ASXL2: variants seen among roughly 807,000 people sequenced by gnomAD.
The protein encoded by ASXL2 is putative Polycomb group protein ASXL2.
ASXL2 carries 23 observed loss-of-function variants against 122.0 expected under a neutral mutation model. That is an observed-to-expected ratio of 0.19 (90% confidence interval 0.14 to 0.27). The LOEUF (loss-of-function observed/expected upper bound fraction) is 0.27. Among genes scored for constraint, ASXL2 ranks in the 10% least tolerant of loss-of-function variants. The pLI is 1.00. For missense variants in ASXL2, 1,518 were observed against 1,713.8 expected, an observed-to-expected ratio of 0.89 and a Z score of 2.02; for synonymous variants, 650 against 637.0, an observed-to-expected ratio of 1.02 and a Z score of -0.31.
At chr2:25,776,259 T>C (rs34731601) in intron 5 of ASXL2, among the ~76,000 whole-genome samples, 60,209 of 152,034 alleles carry the variant, frequency 0.4, 13,463 homozygotes, top group Non-Finnish European at 0.51. Flanking sequence ...AATGAAATCA[T>C]ACATTAGTGC....
chr2:25,843,814 T>TAAAAAAAAAAAAAAAAAAAAAAAA (rs541446675), intron 2 of ASXL2, among the ~76,000 whole-genome samples: 1 of 86,536 alleles, frequency 1.2e-5, no homozygotes, highest in Non-Finnish European at 2.3e-5. Flanking sequence ...CTCCATCTCT[T>TAAAAAAAAAAAAAAAAAAAAAAAA]AAAAAAAAAA....
At chr2:25,778,547 C>A (rs1439400104) in intron 5 of ASXL2, among the ~76,000 whole-genome samples, 1 of 152,134 alleles carries the variant, frequency 6.6e-6, no homozygotes, top group Non-Finnish European at 1.5e-5. Context: ...TCATACAATA[C>A]CTAAAACCAA....
chr2:25,863,224 G>C (rs529873688), intron 1 of ASXL2, among the ~76,000 whole-genome samples: 2 of 151,706 alleles, frequency 1.3e-5, no homozygotes, highest in South Asian at 4.2e-4. Context: ...CATCTACTCA[G>C]AAGGCTAAGG....
intron 5 of ASXL2, among the ~76,000 whole-genome samples, chr2:25,777,455 C>T (rs2149159570): frequency 6.6e-6 from 1 of 152,008 alleles, no homozygotes; most frequent in African/African-American, 2.4e-5. Flanking sequence ...GCCTAGGCAA[C>T]ATAATGAAAC....
At chr2:25,842,723 G>GATGT (rs2089600211) in intron 2 of ASXL2, among the ~76,000 whole-genome samples, 1 of 150,510 alleles carries the variant, frequency 6.6e-6, no homozygotes, top group African/African-American at 2.4e-5. Flanking sequence ...TAGATAGATA[G>GATGT]ATGTATATAT....
intron 5 of ASXL2, chr2:25,780,119 G>C (rs2088609280): frequency 6.6e-6 from 1 of 152,080 alleles, no homozygotes; most frequent in South Asian, 2.1e-4. Context: ...CCAAACTGCT[G>C]GGATTACAGG....
At chr2:25,807,414 C>T (rs1297170826) in intron 3 of ASXL2, among the ~76,000 whole-genome samples, 2 of 152,120 alleles carry the variant, frequency 1.3e-5, no homozygotes, top group African/African-American at 2.4e-5. Flanking sequence ...TTTTCATCCC[C>T]CCAAAACATT....
chr2:25,829,398 G>C (rs2089422317), intron 3 of ASXL2, among the ~76,000 whole-genome samples: 2 of 152,152 alleles, frequency 1.3e-5, no homozygotes, highest in Admixed American at 1.3e-4. Flanking sequence ...GCATGGTTCT[G>C]AAAGAACTCA....
intron 1 of ASXL2, among the ~76,000 whole-genome samples, chr2:25,871,678 G>A (rs1283428886): frequency 6.6e-6 from 1 of 152,158 alleles, no homozygotes; most frequent in Non-Finnish European, 1.5e-5. Flanking sequence ...CGCAACCTCC[G>A]CCTCCCGGGT....
intron 1 of ASXL2, among the ~76,000 whole-genome samples, chr2:25,859,571 T>G (rs1204551393): frequency 1.3e-5 from 2 of 152,190 alleles, no homozygotes; most frequent in African/African-American, 4.8e-5. Context: ...ATTCTTAAAA[T>G]GGACTAAGCA....
intron 5 of ASXL2, among the ~76,000 whole-genome samples, chr2:25,781,797 C>A (rs1317155573): frequency 6.6e-6 from 1 of 151,272 alleles, no homozygotes; most frequent in Non-Finnish European, 1.5e-5. Context: ...GCCTCCCGAG[C>A]AGCTGGGACT....
intron 5 of ASXL2, among the ~76,000 whole-genome samples, chr2:25,786,402 G>A (rs2088747477): frequency 1.3e-5 from 2 of 151,742 alleles, no homozygotes; most frequent in African/African-American, 2.4e-5. Context: ...CACCACGCCC[G>A]GCTAATTTTT....
At chr2:25,851,596 C>T (rs2149196160) in intron 1 of ASXL2, among the ~76,000 whole-genome samples, 1 of 152,302 alleles carries the variant, frequency 6.6e-6, no homozygotes, top group Admixed American at 6.5e-5. Flanking sequence ...AATGTAGCTT[C>T]CCTCCCTTTG....
chr2:25,736,801 G>A lies in ASXL2; in HGVS notation c.*5228C>T, dbSNP rs2087743169. On this transcript the variant is annotated 3_prime_UTR_variant, in exon 13 of 13. Coordinates refer to ENST00000435504, the MANE Select transcript of ASXL2 (RefSeq NM_018263.6). ...CATCAAGATACACTCTCGAAAATCT[G>A]ACCTTAACAATTTTTCTTTTAGGTC... 1 of 152,050 alleles carries A rather than the reference G, an allele frequency of 6.6e-6. No homozygotes were observed. Among genetic ancestry groups the A allele is most frequent in the Non-Finnish European group, 1.5e-5 (1 of 68,010 alleles). 9.4% of individuals were successfully genotyped at this position (152,050 alleles called of 1,614,324 possible).
intron 6 of ASXL2, 145 bp downstream of exon 6, chr2:25,771,295 T>C: frequency 1.6e-6 from 1 of 630,778 alleles, no homozygotes; most frequent in Non-Finnish European, 2.7e-6. Context: ...CATAAATTAC[T>C]AAAACCACAT....
chr2:25,766,544 A>G (rs2088354302), intron 8 of ASXL2, among the ~76,000 whole-genome samples: 1 of 151,704 alleles, frequency 6.6e-6, no homozygotes, highest in Non-Finnish European at 1.5e-5. Context: ...CTTATCTGGG[A>G]ACCTATACAT....
chr2:25,846,315 C>T (rs1449068150), intron 1 of ASXL2, among the ~76,000 whole-genome samples: 1 of 152,106 alleles, frequency 6.6e-6, no homozygotes, highest in African/African-American at 2.4e-5. Context: ...CAGTGGCTAA[C>T]CTTGCAAGGG....
intron 5 of ASXL2, among the ~76,000 whole-genome samples, chr2:25,798,996 T>C (rs999007664): frequency 1.3e-5 from 2 of 152,116 alleles, no homozygotes; most frequent in Admixed American, 6.6e-5. Flanking sequence ...GTAACAAATA[T>C]AGCACTCTGG....
At chr2:25,750,454 C>T (rs1405527576) in intron 11 of ASXL2, 41 bp from the exon 12 acceptor site, 2 of 1,510,676 alleles carry the variant, frequency 1.3e-6, no homozygotes, top group Non-Finnish European at 1.8e-6. Flanking sequence ...TGAAAAATAG[C>T]CCATGTTGCG....
Sources: gnomAD v4.1 joint callset for allele counts (sites outside exome capture counted in the v4.1 genomes callset) on GRCh38, gnomAD v4.1.1 for gene constraint, MANE v1.5 for transcripts, NCBI Gene and HGNC (gene_info 2026-07-23, HGNC 2026-07-21) for gene names.